The following MYLK variants were observed in gnomAD, a reference collection of about 807,000 sequenced individuals.
MYLK encodes the protein myosin light chain kinase, also known as myosin light chain kinase, smooth muscle.
MYLK carries 106 observed loss-of-function variants against 203.4 expected under a neutral mutation model. The observed-to-expected ratio is 0.52, with a 90% CI of 0.45 to 0.61. MYLK has a LOEUF of 0.61. MYLK is among the 20% of genes least tolerant of loss of function. The pLI, the probability that MYLK is intolerant of heterozygous loss-of-function variation, is 0.00. For synonymous variants in MYLK, 867 were observed against 959.5 expected (o/e 0.90, Z 1.78); for missense variants, 2,072 against 2,442.3 (o/e 0.85, Z 3.20).
intron 3 of MYLK, among the ~76,000 whole-genome samples, chr3:123,807,239 G>T (rs2065400191): frequency 6.6e-6 from 1 of 152,032 alleles, no homozygotes; most frequent in South Asian, 2.1e-4. Flanking sequence ...GACCACCCTG[G>T]CCAACATGGT....
At chr3:123,879,561 A>ATCT (rs2033385584) in intron 1 of MYLK, among the ~76,000 whole-genome samples, 1 of 147,704 alleles carries the variant, frequency 6.8e-6, no homozygotes, top group African/African-American at 2.5e-5. Flanking sequence ...TTTTCTAATT[A>ATCT]CCTATGTGTT....
At chr3:123,673,216 ACAG>A (rs1375262169) in intron 20 of MYLK, among the ~76,000 whole-genome samples, 1 of 141,522 alleles carries the variant, frequency 7.1e-6, no homozygotes, top group Non-Finnish European at 1.5e-5. Context: ...CAAGATGAGT[ACAG>A]TGGCATGATC....
In MYLK at chr3:123,718,462, A is replaced by C. The variant is rs138902539; in HGVS notation, c.1804+3666T>G. ...TAAATTGTTTTCTCCTCTCCTCCAG[A>C]GGCCTGGAATGGTGAGCCCCCGCAT... On this transcript the variant is annotated intron_variant, in intron 13 of 33. Coordinates refer to ENST00000360304, the MANE Select transcript of MYLK (RefSeq NM_053025.4). Among the ~76,000 whole-genome samples, 440 of 152,326 alleles carry C rather than the reference A, an allele frequency of 2.9e-3. 4 individuals are homozygous for C. Among genetic ancestry groups the C allele is most frequent in the Non-Finnish European group, 1.1e-3 (72 of 68,030 alleles).
chr3:123,663,663 G>A (rs2059639792), intron 23 of MYLK, among the ~76,000 whole-genome samples: 1 of 152,114 alleles, frequency 6.6e-6, no homozygotes, highest in African/African-American at 2.4e-5. Flanking sequence ...CAGGAGAAGG[G>A]AGCAGCCTTT....
At chr3:123,832,595 A>C (rs1211498953) in intron 2 of MYLK, among the ~76,000 whole-genome samples, 2 of 152,180 alleles carry the variant, frequency 1.3e-5, no homozygotes, top group African/African-American at 4.8e-5. Context: ...GACCTTTAGG[A>C]GGTGATTAAG....
At chr3:123,850,069 A>G (rs898769735) in intron 2 of MYLK, among the ~76,000 whole-genome samples, 4 of 152,174 alleles carry the variant, frequency 2.6e-5, no homozygotes, top group Non-Finnish European at 5.9e-5. Context: ...CAAAGGACAT[A>G]AACTCATCCT....
At chr3:123,614,412 T>G in intron 33 of MYLK, 63 bp from the exon 34 acceptor site, 1 of 1,603,422 alleles carries the variant, frequency 6.2e-7, no homozygotes, top group Non-Finnish European at 8.5e-7. Context: ...TATCAACTCA[T>G]GCAAGCAACT....
chr3:123,847,239 T>C (rs1252163226), intron 2 of MYLK, among the ~76,000 whole-genome samples: 1 of 152,124 alleles, frequency 6.6e-6, no homozygotes, highest in East Asian at 1.9e-4. Context: ...TACCATTTTA[T>C]ATAAGGGACT....
Position 123,737,469 on chromosome 3 carries a change from A to G in MYLK, c.663T>C (p.His221=). The G allele has an allele frequency of 6.2e-7, 1 of 1,614,178 alleles. No individual in the cohort carries two copies. Among genetic ancestry groups the G allele is most frequent in the Non-Finnish European group, 8.5e-7 (1 of 1,180,030 alleles). ...EKNGMQVLEI[H]GVNQDDVGVY... is the part of the protein sequence containing the mutation. ...CTCCCACGTCATCTTGGTTGACTCC[A>G]TGGATTTCCAGAACCTGCATGCCGT... The change falls in exon 8 of 34, where the codon CAT becomes CAC. Residue 221 remains histidine, a synonymous_variant. Transcript: ENST00000360304.
chr3:123,721,190 C>G (rs1444245061), intron 13 of MYLK, among the ~76,000 whole-genome samples: 67 of 151,352 alleles, frequency 4.4e-4, no homozygotes, highest in African/African-American at 1.6e-3. Context: ...GCCTCCCAGA[C>G]AGTGGCTACT....
intron 3 of MYLK, among the ~76,000 whole-genome samples, chr3:123,801,080 T>G (rs1460370283): frequency 6.6e-6 from 1 of 152,278 alleles, no homozygotes; most frequent in Non-Finnish European, 1.5e-5. Flanking sequence ...TGCTCCTTTT[T>G]GCAAATTAAT....
At chr3:123,695,456 AAG>A (rs1560085642) in intron 18 of MYLK, among the ~76,000 whole-genome samples, 1 of 152,278 alleles carries the variant, frequency 6.6e-6, no homozygotes, top group Non-Finnish European at 1.5e-5. Context: ...GAGAAGGATG[AAG>A]GCATATTTCT....
intron 13 of MYLK, 95 bp from the exon 14 acceptor site, chr3:123,709,988 C>A (rs897271692): frequency 3.3e-5 from 51 of 1,534,698 alleles, no homozygotes; most frequent in Non-Finnish European, 4.4e-5. Flanking sequence ...TGTGTTGATG[C>A]TCAGTTCCCA....
chr3:123,739,915 A>T (rs2062806406), intron 6 of MYLK, 38 bp downstream of exon 6: 1 of 1,611,896 alleles, frequency 6.2e-7, no homozygotes, highest in Non-Finnish European at 8.5e-7. Context: ...CAGGAAAGCA[A>T]TCCAACCCTT....
intron 4 of MYLK, among the ~76,000 whole-genome samples, chr3:123,771,124 C>T (rs1008951248): frequency 6.6e-6 from 1 of 152,208 alleles, no homozygotes; most frequent in African/African-American, 2.4e-5. Flanking sequence ...AAATACAGAG[C>T]TTGGAATGAT....
intron 1 of MYLK, among the ~76,000 whole-genome samples, chr3:123,877,377 G>A (rs1005036114): frequency 4.6e-5 from 7 of 152,184 alleles, no homozygotes; most frequent in Non-Finnish European, 8.8e-5. Context: ...TCAAGTGTAC[G>A]ATGTATTTGG....
At chr3:123,816,812 CT>C (rs1170237792) in intron 3 of MYLK, among the ~76,000 whole-genome samples, 2 of 152,158 alleles carry the variant, frequency 1.3e-5, no homozygotes, top group African/African-American at 2.4e-5. Context: ...AGATCGGGGA[CT>C]TTCCTGAAGT....
intron 1 of MYLK, 47 bp downstream of exon 1, chr3:123,884,159 C>T (rs1397275081): frequency 6.6e-6 from 1 of 151,588 alleles, no homozygotes; most frequent in Non-Finnish European, 1.5e-5. Flanking sequence ...GGAGCCTTGA[C>T]TTCCAGGGCC....
In MYLK at chr3:123,629,367, A is replaced by G. The variant is rs1485572938; in HGVS notation, c.5114+107T>C. ...CCTCAGGGAATGCTAGGAACGACCC[A>G]AGGCGGGGTGGCAAGGAGGGCACCC... On this transcript the variant is annotated intron_variant, in intron 30 of 33. Transcript: ENST00000360304. This position sits in a 1 kb window ranked among gnomAD's most constrained non-coding sequence, Gnocchi z 4.4. The G allele has an allele frequency of 8.6e-6, 12 of 1,391,840 alleles. No individual in the cohort carries two copies. Among genetic ancestry groups the G allele is most frequent in the East Asian group, 2.3e-5 (1 of 42,864 alleles). 86.2% of individuals were successfully genotyped at this position (1,391,840 alleles called of 1,614,324 possible).
Sources: gnomAD v4.1 joint callset for allele counts (sites outside exome capture counted in the v4.1 genomes callset) on GRCh38, gnomAD v4.1.1 for gene constraint, Gnocchi (gnomAD v3.1) non-coding constraint, MANE v1.5 for transcripts, NCBI Gene and HGNC (gene_info 2026-07-23, HGNC 2026-07-21) for gene names.